TSC22D1: variants seen among roughly 807,000 people sequenced by gnomAD.
TSC22D1 encodes the protein TSC22 domain family protein 1.
In TSC22D1, 9 loss-of-function variants were observed where a neutral mutation model predicts 74.2. That is an observed-to-expected ratio of 0.12 (90% CI 0.07 to 0.21). The LOEUF is 0.21. TSC22D1 is among the 10% of genes least tolerant of loss of function. The pLI is 1.00. For synonymous variants in TSC22D1, 586 were observed against 492.5 expected (o/e 1.19, Z -2.51); for missense variants, 1,427 against 1,304.7 (o/e 1.09, Z -1.44).
chr13:44,457,637 CAAAAA>C (rs10692086), intron 1 of TSC22D1, among the ~76,000 whole-genome samples: 10 of 85,426 alleles, frequency 1.2e-4, no homozygotes, highest in African/African-American at 2.8e-4. Flanking sequence ...AAGCAAATAG[CAAAAA>C]AAAAAAAAAA....
At position 44,573,779 on chromosome 13, in the gene TSC22D1, G is replaced by A; in HGVS notation, c.2296C>T (p.Pro766Ser). ...QGAPPSSQVV[P>S]PAQTGIIHQG... is the part of the protein sequence containing the mutation. ...TGAATAATCCCAGTTTGAGCAGGTG[G>A]AACCACTTGCGAAGATGGAGGAGCA... is the stretch of plus-strand genomic sequence containing the variant. Residue 766 changes from proline to serine, a missense_variant, in exon 1 of 3, where the codon CCA becomes TCA. Coordinates refer to ENST00000458659, the MANE Select transcript of TSC22D1 (RefSeq NM_183422.4). 2 of 1,614,242 alleles carry A rather than the reference G, an allele frequency of 1.2e-6. No individual in the cohort carries two copies. The highest frequency in any genetic ancestry group is 1.7e-6 in the Non-Finnish European group (2 of 1,180,048).
intron 1 of TSC22D1, among the ~76,000 whole-genome samples, chr13:44,515,142 T>C (rs1879916742): frequency 6.6e-6 from 1 of 152,140 alleles, no homozygotes; most frequent in Non-Finnish European, 1.5e-5. Context: ...ATTTAACTTA[T>C]GAATATATAT....
chr13:44,569,936 A>G (rs1883642896), intron 1 of TSC22D1, among the ~76,000 whole-genome samples: 1 of 152,200 alleles, frequency 6.6e-6, no homozygotes, highest in African/African-American at 2.4e-5. Flanking sequence ...AAACATAATT[A>G]TAATTGAATG....
rs1289909191 is a variant in TSC22D1, at chr13:44,509,913, CAA to C, written c.2912+63248_2912+63249del. ...CACTAATAAACTTACATTATTAAAA[CAA>C]GATATTATTTTCACCTGTCAAACTA... On this transcript the variant is annotated intron_variant, in intron 1 of 2. Coordinates refer to ENST00000458659, the MANE Select transcript of TSC22D1 (RefSeq NM_183422.4). 6.9e-5 allele frequency among the ~76,000 whole-genome samples: 5 copies of C among 72,178 alleles called. No individual in the cohort carries two copies. In the Admixed American group the frequency reaches 8.8e-4, roughly 13 times the overall value. 47.4% of individuals were successfully genotyped at this position (72,178 alleles called of 152,430 possible).
At chr13:44,544,527 G>T (rs185309417) in intron 1 of TSC22D1, among the ~76,000 whole-genome samples, 3 of 140,536 alleles carry the variant, frequency 2.1e-5, no homozygotes, top group Admixed American at 7.1e-5. Flanking sequence ...GTGTTAAAAA[G>T]AATTTTTTTT....
intron 1 of TSC22D1, among the ~76,000 whole-genome samples, chr13:44,520,580 G>A (rs1373500601): frequency 1.3e-5 from 2 of 152,074 alleles, no homozygotes; most frequent in Non-Finnish European, 2.9e-5. Flanking sequence ...ATGCATAAGA[G>A]AAGGATCTAG....
At chr13:44,518,263 A>G (rs2138032383) in intron 1 of TSC22D1, among the ~76,000 whole-genome samples, 1 of 152,276 alleles carries the variant, frequency 6.6e-6, no homozygotes, top group Non-Finnish European at 1.5e-5. Context: ...TGCTGCTGCA[A>G]AATAGAGGTA....
At chr13:44,524,288 A>C (rs1880449746) in intron 1 of TSC22D1, among the ~76,000 whole-genome samples, 1 of 152,068 alleles carries the variant, frequency 6.6e-6, no homozygotes, top group Admixed American at 6.6e-5. Flanking sequence ...AAAAAAAAAA[A>C]CTGAACTGGA....
intron 1 of TSC22D1, among the ~76,000 whole-genome samples, chr13:44,530,672 A>C (rs1334144624): frequency 5.3e-5 from 8 of 152,108 alleles, no homozygotes; most frequent in Admixed American, 1.3e-4. Flanking sequence ...TCAAAAAAAA[A>C]AAACAAACCT....
In TSC22D1 at chr13:44,575,229, G is replaced by A. The variant is rs1884126854; in HGVS notation, c.846C>T (p.Ser282=). Residue 282 remains serine (S), a synonymous_variant, in exon 1 of 3, where the codon TCC becomes TCT. Coordinates refer to ENST00000458659, the MANE Select transcript of TSC22D1 (RefSeq NM_183422.4). The part of the protein sequence containing the change: ...TPVAPTSAVS[S]SGSPASVMTN... ...TCATTACAGATGCAGGTGAACCACT[G>A]GATGATACAGCAGAAGTTGGTGCAA... 2 of 1,613,922 alleles carry A rather than the reference G, an allele frequency of 1.2e-6. No homozygotes were observed. The highest frequency in any genetic ancestry group is 2.2e-5 in the East Asian group (1 of 44,904).
At chr13:44,450,666 G>A (rs1326704330) in intron 1 of TSC22D1, among the ~76,000 whole-genome samples, 1 of 152,204 alleles carries the variant, frequency 6.6e-6, no homozygotes, top group Non-Finnish European at 1.5e-5. Flanking sequence ...ACAGGTGGAA[G>A]GTGATGCCAT....
chr13:44,574,552 T>G lies in TSC22D1; in HGVS notation c.1523A>C (p.Gln508Pro), dbSNP rs143957232. 8.1e-6 allele frequency: 13 copies of G among 1,613,690 alleles called. No homozygotes were observed. The highest frequency in any genetic ancestry group is 1.1e-5 in the Non-Finnish European group (13 of 1,180,042). The part of the protein sequence containing the change: ...QQQQQQQQQQ[Q>P]QPALQGVTLQ... ...GGTCACACCTTGGAGAGCTGGTTGTTGCTGTTGTTGTTGTTGTTGCTGCTG... is the reference window on the plus strand; with the variant it reads ...GGTCACACCTTGGAGAGCTGGTTGTGGCTGTTGTTGTTGTTGTTGCTGCTG... Residue 508 changes from glutamine to proline, a missense_variant, in exon 1 of 3, where the codon CAA (glutamine) becomes CCA (proline). Around this residue, in one of 3 missense-constraint regions of TSC22D1, gnomAD observed 1,343 missense variants for 1,191.5 expected, o/e 1.13. Transcript: ENST00000458659.
chr13:44,576,277 A>C lies in TSC22D1; in HGVS notation c.-203T>G. On this transcript the variant is annotated 5_prime_UTR_variant, in exon 1 of 3. Coordinates refer to ENST00000458659, the MANE Select transcript of TSC22D1 (RefSeq NM_183422.4). The stretch of plus-strand genomic sequence containing the variant: ...GAAAGGAGGATGAACGAGGGTGAAC[A>C]GGGCGGCCGGGGACCCGAAGGGGGG... The C allele has an allele frequency of 1.4e-6, 1 of 729,770 alleles. No homozygotes were observed. The highest frequency in any genetic ancestry group is 2.1e-6 in the Non-Finnish European group (1 of 467,048). 45.2% of individuals were successfully genotyped at this position (729,770 alleles called of 1,614,324 possible). A position where few individuals can be genotyped will look rare whatever the true frequency, so the allele number is the denominator to read the frequency against.
intron 1 of TSC22D1, among the ~76,000 whole-genome samples, chr13:44,439,233 C>T (rs1874992139): frequency 6.6e-6 from 1 of 152,218 alleles, no homozygotes; most frequent in Non-Finnish European, 1.5e-5. Flanking sequence ...CATCCTTCTA[C>T]ATACATCCTT....
intron 1 of TSC22D1, among the ~76,000 whole-genome samples, chr13:44,442,404 A>C (rs892347042): frequency 6.6e-6 from 1 of 152,234 alleles, no homozygotes; most frequent in Non-Finnish European, 1.5e-5. Context: ...ACTATATTTC[A>C]TATGTTCAAG....
At chr13:44,449,728 A>C (rs577756336) in intron 1 of TSC22D1, among the ~76,000 whole-genome samples, 74 of 152,228 alleles carry the variant, frequency 4.9e-4, no homozygotes, top group Non-Finnish European at 9.0e-4. Context: ...GTGGGAAATA[A>C]AAATTTACAA....
At chr13:44,443,995 A>C (rs889964390) in intron 1 of TSC22D1, among the ~76,000 whole-genome samples, 2 of 152,156 alleles carry the variant, frequency 1.3e-5, no homozygotes, top group African/African-American at 4.8e-5. Context: ...CTGTATCAAT[A>C]ATCACATTAG....
At chr13:44,490,491 A>G (rs1878648510) in intron 1 of TSC22D1, among the ~76,000 whole-genome samples, 1 of 152,042 alleles carries the variant, frequency 6.6e-6, no homozygotes, top group Non-Finnish European at 1.5e-5. Context: ...CTGAATAATT[A>G]AAGATATAAA....
intron 1 of TSC22D1, among the ~76,000 whole-genome samples, chr13:44,483,735 G>A (rs1878298656): frequency 6.6e-6 from 1 of 151,868 alleles, no homozygotes; most frequent in South Asian, 2.1e-4. Flanking sequence ...ACATAGACAG[G>A]ATATTATTTG....
Sources: allele counts gnomAD v4.1 joint callset (sites outside exome capture counted in the v4.1 genomes callset), GRCh38; gene constraint gnomAD v4.1.1; regional missense constraint gnomAD v4.1.1; transcripts MANE v1.5; gene names NCBI Gene and HGNC (gene_info 2026-07-23, HGNC 2026-07-21).